MYOF: variants seen among roughly 807,000 people sequenced by gnomAD.
The protein encoded by MYOF is fer-1-like 3, myoferlin.
In MYOF, 244 loss-of-function variants were observed where a neutral mutation model predicts 284.2. That is an observed-to-expected ratio of 0.86 (90% CI 0.77 to 0.95). MYOF has a LOEUF of 0.95. Ranked by LOEUF, MYOF falls within the 40% of genes least tolerant of loss-of-function variation. MYOF has a pLI of 0.00. For synonymous variants in MYOF, 904 were observed against 919.7 expected (o/e 0.98, Z 0.31); for missense variants, 2,496 against 2,560.6 (o/e 0.97, Z 0.54).
At chr10:93,349,329 G>A (rs1450034546) in intron 36 of MYOF, among the ~76,000 whole-genome samples, 6 of 152,138 alleles carry the variant, frequency 3.9e-5, no homozygotes, top group African/African-American at 1.2e-4. Context: ...CCATCCCAGG[G>A]GCACCTGGAG....
At chr10:93,321,223 C>G (rs1029087977) in intron 48 of MYOF, among the ~76,000 whole-genome samples, 2 of 152,244 alleles carry the variant, frequency 1.3e-5, no homozygotes, top group South Asian at 4.1e-4. Context: ...ATTCCCAGGT[C>G]AGTCTGATTG....
chr10:93,372,283 C>T (rs984069418), intron 24 of MYOF, among the ~76,000 whole-genome samples: 14 of 152,056 alleles, frequency 9.2e-5, no homozygotes, highest in African/African-American at 2.4e-4. Flanking sequence ...CCTTTGATTC[C>T]CCATATACAC....
rs747056178 is a variant in MYOF, at chr10:93,399,480, G to A, written c.1133C>T (p.Ser378Leu). 6.2e-7 allele frequency: 1 copy of A among 1,612,140 alleles called. No homozygotes were observed. The highest frequency in any genetic ancestry group is 2.2e-5 in the East Asian group (1 of 44,848). Residue 378 changes from serine (S) to leucine (L), a missense_variant, in exon 13 of 54, where the codon TCA becomes TTA. By Grantham distance (145) the Ser-to-Leu change is moderately radical. This residue lies in a region of MYOF where 2,436 missense variants were observed against 2,480.7 expected (regional missense o/e 0.98). Transcript: ENST00000359263. ...EDIPQMDDAF[S>L]QTVKEIFGGN... Reference sequence around the variant, plus strand: ...TCCAAATATTTCCTTTACTGTCTGTGAGAAGGCATCATCCACTGGAAGGTA... The same window carrying A: ...TCCAAATATTTCCTTTACTGTCTGTAAGAAGGCATCATCCACTGGAAGGTA...
intron 39 of MYOF, chr10:93,338,285 C>T: frequency 2.2e-6 from 1 of 459,400 alleles, no homozygotes; most frequent in Non-Finnish European, 4.3e-6. Context: ...GTGTTTTCTA[C>T]TATCTCATTT....
chr10:93,455,388 C>T (rs551514156), intron 2 of MYOF, among the ~76,000 whole-genome samples: 11 of 152,210 alleles, frequency 7.2e-5, no homozygotes, highest in Middle Eastern at 3.4e-3. Context: ...TAAGGTCTAG[C>T]GAGGCGCAAT....
intron 1 of MYOF, among the ~76,000 whole-genome samples, chr10:93,474,807 C>G (rs565888025): frequency 6.7e-6 from 1 of 150,228 alleles, no homozygotes; most frequent in Non-Finnish European, 1.5e-5. Flanking sequence ...AGTGTAATGG[C>G]GCCATCTCAG....
chr10:93,389,869 A>C (rs1260514393), intron 17 of MYOF, among the ~76,000 whole-genome samples: 1 of 152,236 alleles, frequency 6.6e-6, no homozygotes, highest in African/African-American at 2.4e-5. Context: ...AGTTGCCTTC[A>C]ATAGCCTGAA....
At chr10:93,421,038 CA>C (rs1383778862) in intron 5 of MYOF, among the ~76,000 whole-genome samples, 2 of 151,854 alleles carry the variant, frequency 1.3e-5, no homozygotes, top group East Asian at 3.9e-4. Flanking sequence ...GGCAACATGG[CA>C]AAACCCTGTC....
intron 17 of MYOF, among the ~76,000 whole-genome samples, chr10:93,390,178 T>A (rs1181337004): frequency 6.6e-6 from 1 of 152,238 alleles, no homozygotes; most frequent in African/African-American, 2.4e-5. Flanking sequence ...AAGATAAATG[T>A]GGAGCAGCGT....
intron 53 of MYOF, 40 bp from the exon 54 acceptor site, chr10:93,307,041 G>A (rs1564603599): frequency 3.3e-6 from 5 of 1,532,378 alleles, no homozygotes; most frequent in Admixed American, 1.8e-5. Context: ...AAACATGTAT[G>A]TATATATGTT....
intron 18 of MYOF, among the ~76,000 whole-genome samples, chr10:93,388,758 T>C (rs1012315115): frequency 5.3e-5 from 8 of 152,182 alleles, no homozygotes; most frequent in African/African-American, 1.7e-4. Context: ...AATATGATGT[T>C]GAAAAGAATT....
chr10:93,342,295 A>G (rs1207227978), intron 38 of MYOF, among the ~76,000 whole-genome samples: 2 of 152,134 alleles, frequency 1.3e-5, no homozygotes, highest in East Asian at 3.9e-4. Context: ...CATGTAATAC[A>G]GGACATCAGC....
rs1564643823 is a variant in MYOF, at chr10:93,354,689, CT to C, written c.3404-802del. Among the ~76,000 whole-genome samples the C allele has an allele frequency of 5.9e-5, 9 of 151,724 alleles. No homozygotes were observed. The East Asian group carries it at 1.7e-3, about 29-fold the overall frequency. On this transcript the variant is annotated intron_variant, in intron 31 of 53. Transcript: ENST00000359263. ...TCACTCTCTCTCTCTCTCTCTCTCT[CT>C]CTCTCTCTCTCTTTGTGAGATAGCA...
chr10:93,401,494 C>T lies in MYOF; in HGVS notation c.1041G>A (p.Leu347=), dbSNP rs199548780. 3.9e-4 allele frequency: 622 copies of T among 1,614,042 alleles called. 2 individuals carry two copies. The African/African-American group carries it at 7.5e-3, about 19-fold the overall frequency. ...GGAGGGCAATGCCAGCAGGGAGTAA[C>T]AAATTACTCTCCACATCATCACTGT... The part of the protein sequence containing the change: ...DNDSDDVESN[L]LLPAGIALRW... The change falls in exon 12 of 54, where the codon TTG becomes TTA. Residue 347 remains leucine, a synonymous_variant. Transcript: ENST00000359263.
Position 93,313,144 on chromosome 10 carries a change from TC to T in MYOF, c.5764del (p.Asp1922ThrfsTer2). ...CATGGCTTTGAGGTCCGGAATCATG[TC>T]CAATCTGCATTTCTCTGGTGATTTT... is the stretch of plus-strand genomic sequence containing the variant. The part of the protein sequence containing the change: ...PAKSPEKCRL[D>X]MIPDLKAMNP... On this transcript the variant is annotated frameshift_variant, in exon 51 of 54. Transcript: ENST00000359263. LOFTEE classifies it high-confidence loss of function. 1 of 1,614,094 alleles carries T rather than the reference TC, an allele frequency of 6.2e-7. No individual in the cohort carries two copies. Among genetic ancestry groups the T allele is most frequent in the Non-Finnish European group, 8.5e-7 (1 of 1,179,982 alleles).
At chr10:93,448,686 G>T (rs569315261) in intron 3 of MYOF, among the ~76,000 whole-genome samples, 1 of 152,250 alleles carries the variant, frequency 6.6e-6, no homozygotes, top group East Asian at 1.9e-4. Context: ...TAAGATCTGA[G>T]GACAGACTGG....
chr10:93,389,363 G>A (rs541459430), intron 17 of MYOF, among the ~76,000 whole-genome samples: 15 of 152,196 alleles, frequency 9.9e-5, no homozygotes, highest in Non-Finnish European at 1.3e-4. Context: ...TGGGGGTAGC[G>A]CAGATAAACT....
intron 25 of MYOF, among the ~76,000 whole-genome samples, chr10:93,367,821 G>A (rs570189125): frequency 9.2e-5 from 14 of 152,036 alleles, no homozygotes; most frequent in East Asian, 1.9e-4. Flanking sequence ...CTCGGGGGTG[G>A]GGGGGAATTT....
intron 41 of MYOF, among the ~76,000 whole-genome samples, chr10:93,334,997 G>A (rs537317489): frequency 6.6e-6 from 1 of 152,342 alleles, no homozygotes; most frequent in South Asian, 2.1e-4. Context: ...GTTGCAGGGA[G>A]GGGCAATTAT....
Sources: gnomAD v4.1 joint callset for allele counts (sites outside exome capture counted in the v4.1 genomes callset) on GRCh38, gnomAD v4.1.1 for gene constraint, gnomAD v4.1.1 regional missense constraint, MANE v1.5 for transcripts, NCBI Gene and HGNC (gene_info 2026-07-23, HGNC 2026-07-21) for gene names.